CTNND2: variants seen among roughly 807,000 people sequenced by gnomAD.
CTNND2 encodes the protein catenin delta 2.
In CTNND2, 22 loss-of-function variants were observed where a neutral mutation model predicts 144.4. The ratio of observed to expected loss-of-function variants is 0.15; its 90% CI spans 0.11 to 0.22. The LOEUF is 0.22. CTNND2 is among the 10% of genes least tolerant of loss of function. The pLI is 1.00. For synonymous variants in CTNND2, 751 were observed against 695.6 expected (o/e 1.08, Z -1.25); for missense variants, 1,353 against 1,618.8 (o/e 0.84, Z 2.82).
intron 16 of CTNND2, 134 bp from the exon 17 acceptor site, chr5:11,023,113 A>T: frequency 1.4e-6 from 1 of 724,118 alleles, no homozygotes; most frequent in South Asian, 1.7e-5. Context: ...CCATCACTGA[A>T]TGTTCCCTAT....
chr5:11,310,657 C>A (rs1222973963), intron 9 of CTNND2, among the ~76,000 whole-genome samples: 1 of 151,792 alleles, frequency 6.6e-6, no homozygotes, highest in East Asian at 1.9e-4. Flanking sequence ...CCGACCTCTC[C>A]TCTTTCTCTG....
chr5:11,767,787 A>C (rs1038302961), intron 1 of CTNND2, among the ~76,000 whole-genome samples: 3 of 152,202 alleles, frequency 2.0e-5, no homozygotes, highest in African/African-American at 7.2e-5. Context: ...ATATCAAATG[A>C]GGAGCACTGG....
chr5:11,073,310 C>G (rs1344001082), intron 16 of CTNND2, among the ~76,000 whole-genome samples: 1 of 152,154 alleles, frequency 6.6e-6, no homozygotes, highest in Non-Finnish European at 1.5e-5. Context: ...TTGAGGAGAG[C>G]CATTTCATTT....
At chr5:11,502,868 G>C (rs1770674538) in intron 3 of CTNND2, among the ~76,000 whole-genome samples, 1 of 152,062 alleles carries the variant, frequency 6.6e-6, no homozygotes, top group Non-Finnish European at 1.5e-5. Context: ...CAAAAATTAA[G>C]GCCAAGTATA....
chr5:11,679,655 T>C (rs1311253225), intron 2 of CTNND2, among the ~76,000 whole-genome samples: 1 of 152,188 alleles, frequency 6.6e-6, no homozygotes, highest in Non-Finnish European at 1.5e-5. Context: ...TTCCCGACAC[T>C]CATGTGTCTC....
At chr5:11,249,315 G>A (rs1418716140) in intron 9 of CTNND2, among the ~76,000 whole-genome samples, 2 of 152,186 alleles carry the variant, frequency 1.3e-5, no homozygotes, top group South Asian at 2.1e-4. Context: ...CTTATTGCTC[G>A]TAATAAGAAA....
intron 2 of CTNND2, among the ~76,000 whole-genome samples, chr5:11,603,415 G>A (rs1779900174): frequency 6.6e-6 from 1 of 152,056 alleles, no homozygotes; most frequent in Non-Finnish European, 1.5e-5. Context: ...GCTGCCCATT[G>A]CTGGTGTCAC....
At chr5:11,447,386 T>C (rs1454238685) in intron 3 of CTNND2, among the ~76,000 whole-genome samples, 1 of 151,650 alleles carries the variant, frequency 6.6e-6, no homozygotes, top group East Asian at 1.9e-4. Context: ...ACACCTTATC[T>C]GGAGGGAGTG....
At chr5:11,556,964 C>T (rs1475736515) in intron 3 of CTNND2, among the ~76,000 whole-genome samples, 7 of 152,070 alleles carry the variant, frequency 4.6e-5, no homozygotes, top group Non-Finnish European at 7.4e-5. Context: ...CACTCCACTC[C>T]AGATTCAAAT....
intron 3 of CTNND2, among the ~76,000 whole-genome samples, chr5:11,423,650 G>A (rs934336960): frequency 4.0e-4 from 61 of 152,228 alleles, no homozygotes; most frequent in Admixed American, 8.5e-4. Flanking sequence ...GTGTGTTGTT[G>A]CATACATGTG....
chr5:11,871,570 T>A (rs761916935), intron 1 of CTNND2, among the ~76,000 whole-genome samples: 2 of 152,214 alleles, frequency 1.3e-5, no homozygotes, highest in Non-Finnish European at 2.9e-5. Context: ...AGAATTTGTA[T>A]TTTAAAGAAG....
intron 12 of CTNND2, among the ~76,000 whole-genome samples, chr5:11,150,332 G>A (rs972728973): frequency 6.6e-6 from 1 of 152,146 alleles, no homozygotes; most frequent in Non-Finnish European, 1.5e-5. Context: ...CTACTGGCCC[G>A]CACAGTGACG....
intron 9 of CTNND2, among the ~76,000 whole-genome samples, chr5:11,344,961 T>A (rs1321454836): frequency 2.0e-5 from 3 of 152,168 alleles, no homozygotes; most frequent in Admixed American, 1.3e-4. Flanking sequence ...ATATGAAAAT[T>A]TAAAGTATTT....
At chr5:11,089,864 G>A (rs559275171) in intron 15 of CTNND2, among the ~76,000 whole-genome samples, 1 of 152,276 alleles carries the variant, frequency 6.6e-6, no homozygotes, top group South Asian at 2.1e-4. Flanking sequence ...ACAAAAATTA[G>A]CTGGGCTTGG....
intron 1 of CTNND2, among the ~76,000 whole-genome samples, chr5:11,755,597 C>T (rs954498421): frequency 6.7e-6 from 1 of 150,162 alleles, no homozygotes. Context: ...TACATTTGGT[C>T]TCTTTACATA....
intron 9 of CTNND2, among the ~76,000 whole-genome samples, chr5:11,291,640 A>G (rs1426510601): frequency 6.6e-6 from 1 of 152,020 alleles, no homozygotes; most frequent in African/African-American, 2.4e-5. Context: ...GTACCGCCCT[A>G]TCTCCCCAGA....
intron 3 of CTNND2, among the ~76,000 whole-genome samples, chr5:11,471,350 T>G (rs983457193): frequency 5.3e-5 from 8 of 152,142 alleles, no homozygotes; most frequent in African/African-American, 1.7e-4. Flanking sequence ...ATACAGATTT[T>G]ATAGTCTAAA....
At chr5:11,715,156 C>T (rs1581763968) in intron 2 of CTNND2, among the ~76,000 whole-genome samples, 1 of 152,188 alleles carries the variant, frequency 6.6e-6, no homozygotes, top group Middle Eastern at 3.4e-3. Context: ...ATTTAATATC[C>T]AATACTCTCT....
intron 9 of CTNND2, among the ~76,000 whole-genome samples, chr5:11,260,602 G>C (rs997623093): frequency 6.6e-6 from 1 of 152,226 alleles, no homozygotes; most frequent in African/African-American, 2.4e-5. Flanking sequence ...AGGGGAAAAG[G>C]CAAGAGAGCA....
Sources: allele counts gnomAD v4.1 joint callset (sites outside exome capture counted in the v4.1 genomes callset), GRCh38; gene constraint gnomAD v4.1.1; transcripts MANE v1.5; gene names NCBI Gene and HGNC (gene_info 2026-07-23, HGNC 2026-07-21).